HIVEP1: variants seen among roughly 807,000 people sequenced by gnomAD.
The protein encoded by HIVEP1 is zinc finger protein 40.
A neutral mutation model predicts 180.0 loss-of-function variants in HIVEP1; 36 were observed. That is an observed-to-expected ratio of 0.20 (90% CI 0.15 to 0.26). The LOEUF (loss-of-function observed/expected upper bound fraction) is 0.26. HIVEP1 is among the 10% of genes least tolerant of loss of function. The pLI is 1.00. For missense variants in HIVEP1, 3,143 were observed against 3,268.7 expected, an observed-to-expected ratio of 0.96 and a Z score of 0.94; for synonymous variants, 1,239 against 1,239.0, an observed-to-expected ratio of 1.00 and a Z score of 0.00.
Position 12,123,382 on chromosome 6 carries a change from T to C in HIVEP1, c.3587T>C (p.Leu1196Pro), listed in dbSNP as rs1175917828. Reference protein sequence around the residue: ...PSRDGSHPHQLALSDALRGEL... With the variant: ...PSRDGSHPHQPALSDALRGEL... ...CGGGACGGGTCTCATCCTCACCAGC[T>C]TGCACTATCAGACGCTCTCAGAGGA... Residue 1196 changes from leucine (L) to proline (P), a missense_variant, in exon 4 of 9, where the codon CTT becomes CCT. Physicochemically the swap from Leu to Pro is moderately conservative, Grantham distance 98. Around this residue, in one of 12 missense-constraint regions of HIVEP1, gnomAD observed 1,357 missense variants for 1,260.5 expected, o/e 1.08. Coordinates refer to ENST00000379388, the MANE Select transcript of HIVEP1 (RefSeq NM_002114.4). 3 of 1,614,016 alleles carry C rather than the reference T, an allele frequency of 1.9e-6. No individual in the cohort carries two copies. In the East Asian group the frequency reaches 6.7e-5, roughly 36 times the overall value.
chr6:12,048,328 T>A (rs1770274402), intron 2 of HIVEP1, among the ~76,000 whole-genome samples: 1 of 152,160 alleles, frequency 6.6e-6, no homozygotes, highest in African/African-American at 2.4e-5. Flanking sequence ...GGAAAGAACA[T>A]TTGCTTGAAT....
At chr6:12,144,605 A>G (rs1759251603) in intron 7 of HIVEP1, among the ~76,000 whole-genome samples, 1 of 152,188 alleles carries the variant, frequency 6.6e-6, no homozygotes, top group African/African-American at 2.4e-5. Flanking sequence ...AATGGGAGAA[A>G]ATTTTTGCAA....
chr6:12,100,799 G>C (rs946793899), intron 3 of HIVEP1, among the ~76,000 whole-genome samples: 2 of 152,042 alleles, frequency 1.3e-5, no homozygotes, highest in Non-Finnish European at 2.9e-5. Flanking sequence ...GAAACTTTTT[G>C]AGCACTAATA....
At chr6:12,049,282 G>A (rs991762536) in intron 2 of HIVEP1, among the ~76,000 whole-genome samples, 1 of 152,190 alleles carries the variant, frequency 6.6e-6, no homozygotes, top group Non-Finnish European at 1.5e-5. Context: ...AGTGTTGGCA[G>A]GCCCCCTCGT....
intron 3 of HIVEP1, among the ~76,000 whole-genome samples, chr6:12,107,055 T>C (rs991592592): frequency 2.6e-5 from 4 of 152,230 alleles, no homozygotes; most frequent in African/African-American, 7.2e-5. Context: ...CTTAACTTTT[T>C]TGAACTGCAT....
chr6:12,027,674 T>A (rs1033369914), intron 2 of HIVEP1, among the ~76,000 whole-genome samples: 1 of 152,250 alleles, frequency 6.6e-6, no homozygotes, highest in Non-Finnish European at 1.5e-5. Context: ...GAGGTGCGCC[T>A]TCTGACAAAT....
chr6:12,170,756 C>G, the HIVEP1 span, among the ~76,000 whole-genome samples: 1 of 152,132 alleles, frequency 6.6e-6, no homozygotes, highest in African/African-American at 2.4e-5. Flanking sequence ...CAGAGCACTA[C>G]AGGGAAAGGA....
At chr6:12,138,735 AC>A (rs1215843740) in intron 7 of HIVEP1, among the ~76,000 whole-genome samples, 1 of 151,772 alleles carries the variant, frequency 6.6e-6, no homozygotes, top group Non-Finnish European at 1.5e-5. Flanking sequence ...ATTCTGACTT[AC>A]CCCACCAGTC....
intron 2 of HIVEP1, among the ~76,000 whole-genome samples, chr6:12,077,055 G>C (rs980908644): frequency 6.6e-6 from 1 of 152,016 alleles, no homozygotes; most frequent in Non-Finnish European, 1.5e-5. Flanking sequence ...CAAAGCCCCA[G>C]GAGGAGCCCA....
chr6:12,158,574 T>C (rs116171635), intron 7 of HIVEP1, among the ~76,000 whole-genome samples: 1,755 of 152,296 alleles, frequency 0.012, 31 homozygotes, highest in African/African-American at 0.04. Flanking sequence ...GGGTGCTGTC[T>C]CTGTTCCGAT....
chr6:12,141,351 T>TA (rs957035911), intron 7 of HIVEP1, among the ~76,000 whole-genome samples: 4 of 152,010 alleles, frequency 2.6e-5, no homozygotes, highest in African/African-American at 9.7e-5. Context: ...AGACCTGCCT[T>TA]ACGAGAGTTC....
intron 7 of HIVEP1, among the ~76,000 whole-genome samples, chr6:12,137,195 C>T (rs1197476025): frequency 2.6e-5 from 4 of 152,128 alleles, no homozygotes; most frequent in Admixed American, 6.5e-5. Context: ...TCAGCAAGTA[C>T]GTTCATTACC....
At chr6:12,189,368 G>A in the HIVEP1 span, among the ~76,000 whole-genome samples, 1 of 151,846 alleles carries the variant, frequency 6.6e-6, no homozygotes, top group Middle Eastern at 3.4e-3. Context: ...AAAATTGCAT[G>A]GATAAAAAAT....
downstream of HIVEP1, among the ~76,000 whole-genome samples, chr6:12,168,195 TATATATAC>T (rs372421699): frequency 3.0e-4 from 13 of 42,980 alleles, 2 homozygotes; most frequent in South Asian, 4.9e-3. Context: ...GATATACGTG[TATATATAC>T]ATATATACAT....
At chr6:12,031,155 T>C (rs555944496) in intron 2 of HIVEP1, among the ~76,000 whole-genome samples, 231 of 152,356 alleles carry the variant, frequency 1.5e-3, no homozygotes, top group Non-Finnish European at 1.9e-3. Flanking sequence ...ACCTTGACTC[T>C]CTGCCTGTGG....
rs747570978 is a variant in HIVEP1, at chr6:12,163,862, G to A, written c.7558G>A (p.Val2520Ile). 1.4e-5 allele frequency: 23 copies of A among 1,614,038 alleles called. No individual in the cohort carries two copies. Among genetic ancestry groups the A allele is most frequent in the Non-Finnish European group, 1.9e-5 (22 of 1,180,032 alleles). ...VHPPGLALNA[V>I]GLQVLTANPS... ...TCCACCAGGACTGGCTCTGAATGCT[G>A]TCGGACTGCAGGTTCTGACTGCAAA... Residue 2520 changes from valine (V) to isoleucine (I), a missense_variant, in exon 9 of 9, where the codon GTC (valine) becomes ATC (isoleucine). Physicochemically the swap from Val to Ile is conservative, Grantham distance 29. This residue lies in a region of HIVEP1 where 595 missense variants were observed against 602.2 expected (regional missense o/e 0.99). Coordinates refer to ENST00000379388, the MANE Select transcript of HIVEP1 (RefSeq NM_002114.4).
In HIVEP1 at chr6:12,123,239, T is replaced by G; in HGVS notation, c.3444T>G (p.Phe1148Leu). ...HTNSLSRPNS[F>L]DKPEPFERAS... ...ACTCCCTGAGCAGGCCCAACTCATT[T>G]GACAAGCCTGAGCCTTTTGAAAGAG... is the stretch of plus-strand genomic sequence containing the variant. Residue 1148 changes from phenylalanine to leucine, a missense_variant, in exon 4 of 9, where the codon TTT (phenylalanine) becomes TTG (leucine). Physicochemically the swap from Phe to Leu is conservative, Grantham distance 22 (BLOSUM62 0). Transcript: ENST00000379388. The G allele has an allele frequency of 6.2e-7, 1 of 1,614,190 alleles. No homozygotes were observed. The highest frequency in any genetic ancestry group is 1.7e-5 in the Admixed American group (1 of 60,014).
chr6:12,184,022 T>TAGATAGATAGATAGACAGACAGAC, the HIVEP1 span, among the ~76,000 whole-genome samples: 2 of 101,854 alleles, frequency 2.0e-5, no homozygotes, highest in African/African-American at 3.1e-5. Context: ...GATAGATAGA[T>TAGATAGATAGATAGACAGACAGAC]AGACAGACAG....
intron 7 of HIVEP1, among the ~76,000 whole-genome samples, chr6:12,153,094 T>A (rs894926392): frequency 6.6e-6 from 1 of 152,234 alleles, no homozygotes; most frequent in African/African-American, 2.4e-5. Flanking sequence ...ATATTTGAAA[T>A]TTTAAAAGTT....
Sources: gnomAD v4.1 joint callset for allele counts (sites outside exome capture counted in the v4.1 genomes callset) on GRCh38, gnomAD v4.1.1 for gene constraint, gnomAD v4.1.1 regional missense constraint, MANE v1.5 for transcripts, NCBI Gene and HGNC (gene_info 2026-07-23, HGNC 2026-07-21) for gene names.